HOOK3: variants seen among roughly 807,000 people sequenced by gnomAD.
The protein encoded by HOOK3 is hook microtubule tethering protein 3.
In HOOK3, 24 loss-of-function variants were observed where a neutral mutation model predicts 116.3. That is an observed-to-expected ratio of 0.21 (90% CI 0.15 to 0.29). The LOEUF (loss-of-function observed/expected upper bound fraction) is 0.29. HOOK3 is among the 10% of genes least tolerant of loss of function. The probability of loss-of-function intolerance (pLI) is 1.00; values close to 1 mark genes in which losing one functional copy is unlikely to be tolerated. For missense variants in HOOK3, 632 were observed against 830.2 expected (o/e 0.76, Z 2.93); for synonymous variants, 275 against 283.0 (o/e 0.97, Z 0.28).
intron 19 of HOOK3, among the ~76,000 whole-genome samples, chr8:43,010,773 G>A (rs186082190): frequency 3.9e-5 from 6 of 152,202 alleles, no homozygotes; most frequent in Admixed American, 1.3e-4. Flanking sequence ...TCTATTTCCA[G>A]TTCACAGGCA....
Position 42,967,696 on chromosome 8 carries a change from A to AC in HOOK3, c.921-313dup, listed in dbSNP as rs1207493874. Among the ~76,000 whole-genome samples, 14 of 151,722 alleles carry AC rather than the reference A, an allele frequency of 9.2e-5. No homozygotes were observed. The East Asian group carries it at 2.5e-3, about 27-fold the overall frequency. On this transcript the variant is annotated intron_variant, in intron 10 of 21. Transcript: ENST00000307602. The stretch of plus-strand genomic sequence containing the variant: ...CTCAACCCCACTATCTGCCCACACT[A>AC]CCCCACTGAAGCTGCTATTCTGGTG...
At chr8:42,963,369 G>A (rs1808571271) in intron 8 of HOOK3, among the ~76,000 whole-genome samples, 1 of 152,210 alleles carries the variant, frequency 6.6e-6, no homozygotes, top group Admixed American at 6.5e-5. Flanking sequence ...GCATTTCTGA[G>A]TTTGGATTTT....
chr8:42,957,144 C>T lies in HOOK3; in HGVS notation c.519C>T (p.Asp173=), dbSNP rs1189559576. The change falls in exon 7 of 22, where the codon GAC becomes GAT. Residue 173 remains aspartate (D), a synonymous_variant. Coordinates refer to ENST00000307602, the MANE Select transcript of HOOK3 (RefSeq NM_032410.4). The part of the protein sequence containing the change: ...PVSAGNDAYV[D]LDRQLKKTTE... ...CTGCTGGAAATGATGCCTATGTTGA[C>T]CTTGATCGTCAGGTATATAATTTTA... 1 of 1,581,794 alleles carries T rather than the reference C, an allele frequency of 6.3e-7. No homozygotes were observed.
chr8:42,907,771 C>T (rs1807339444), intron 2 of HOOK3, among the ~76,000 whole-genome samples: 1 of 136,054 alleles, frequency 7.4e-6, no homozygotes, highest in Admixed American at 8.3e-5. Flanking sequence ...ACAAGGATGT[C>T]GACTCTGCCA....
chr8:42,965,093 A>G (rs1176603538), intron 9 of HOOK3, among the ~76,000 whole-genome samples: 2 of 152,258 alleles, frequency 1.3e-5, no homozygotes, highest in Non-Finnish European at 2.9e-5. Flanking sequence ...AGACCGAGGA[A>G]GAACATTTGT....
At chr8:42,903,338 C>CTTTTTTTTTTTTTTTTTTTTTTTTTTTT (rs1164136399) in intron 1 of HOOK3, among the ~76,000 whole-genome samples, 6 of 87,608 alleles carry the variant, frequency 6.8e-5, no homozygotes, top group African/African-American at 2.8e-4. Flanking sequence ...TAATAGTTGT[C>CTTTTTTTTTTTTTTTTTTTTTTTTTTTT]TTTTTTTTTT....
At chr8:42,969,721 A>T (rs1049632716) in intron 11 of HOOK3, among the ~76,000 whole-genome samples, 1 of 152,224 alleles carries the variant, frequency 6.6e-6, no homozygotes, top group Non-Finnish European at 1.5e-5. Context: ...CCTTTTAATT[A>T]TACTTCATGT....
At chr8:42,997,177 G>T (rs1809295238) in intron 15 of HOOK3, among the ~76,000 whole-genome samples, 1 of 152,152 alleles carries the variant, frequency 6.6e-6, no homozygotes, top group Non-Finnish European at 1.5e-5. Flanking sequence ...CAAAGTGCTG[G>T]CATGGGCCAC....
At chr8:42,908,472 G>T (rs1228917363) in intron 2 of HOOK3, among the ~76,000 whole-genome samples, 1 of 152,194 alleles carries the variant, frequency 6.6e-6, no homozygotes, top group Non-Finnish European at 1.5e-5. Flanking sequence ...ACAATGACCA[G>T]TGGAACAGTA....
chr8:43,011,449 A>ATGTGTGTGTG (rs147559520), intron 19 of HOOK3, among the ~76,000 whole-genome samples: 1 of 150,248 alleles, frequency 6.7e-6, no homozygotes, highest in African/African-American at 2.4e-5. Context: ...AAGTAACAGC[A>ATGTGTGTGTG]TGTGTGTGTG....
At chr8:42,943,810 T>C (rs1192509241) in intron 5 of HOOK3, among the ~76,000 whole-genome samples, 1 of 152,220 alleles carries the variant, frequency 6.6e-6, no homozygotes, top group Admixed American at 6.5e-5. Context: ...TCCCAACATA[T>C]ATCTGTAACA....
At chr8:42,950,331 A>G in intron 5 of HOOK3, 57 bp from the exon 6 acceptor site, 1 of 1,139,292 alleles carries the variant, frequency 8.8e-7, no homozygotes, top group Non-Finnish European at 1.3e-6. Flanking sequence ...ATGAGCCTTG[A>G]TTCCCTTGAC....
intron 5 of HOOK3, among the ~76,000 whole-genome samples, chr8:42,948,864 A>G (rs926319279): frequency 5.9e-5 from 9 of 152,236 alleles, no homozygotes; most frequent in Admixed American, 1.3e-4. Context: ...CCTAAGAACA[A>G]TGCCTATGAT....
At chr8:42,971,970 G>T (rs532398565) in intron 11 of HOOK3, among the ~76,000 whole-genome samples, 3 of 151,824 alleles carry the variant, frequency 2.0e-5, no homozygotes, top group South Asian at 2.1e-4. Context: ...GGTGTGAGCC[G>T]CCGTGCCTGG....
intron 2 of HOOK3, among the ~76,000 whole-genome samples, chr8:42,924,906 G>A (rs926897720): frequency 6.6e-6 from 1 of 151,290 alleles, no homozygotes; most frequent in East Asian, 2.0e-4. Context: ...CTGGGAGGTA[G>A]AGGTTGCAGT....
intron 16 of HOOK3, among the ~76,000 whole-genome samples, chr8:43,000,099 G>A (rs1374188088): frequency 1.3e-5 from 2 of 152,230 alleles, no homozygotes; most frequent in Non-Finnish European, 2.9e-5. Context: ...AGTGAGCAGA[G>A]ATTGCGCCAC....
chr8:43,001,041 G>A (rs990168173), intron 16 of HOOK3: 1 of 152,062 alleles, frequency 6.6e-6, no homozygotes, highest in African/African-American at 2.4e-5. Flanking sequence ...GAGGTGGGAG[G>A]AGGATCACTG....
At chr8:42,908,619 T>G (rs1807360634) in intron 2 of HOOK3, among the ~76,000 whole-genome samples, 2 of 152,216 alleles carry the variant, frequency 1.3e-5, no homozygotes, top group South Asian at 4.1e-4. Context: ...TGCAGAAGAA[T>G]AAAGTTAGAC....
intron 5 of HOOK3, among the ~76,000 whole-genome samples, chr8:42,949,866 G>A (rs1360122031): frequency 7.3e-5 from 11 of 151,422 alleles, no homozygotes; most frequent in South Asian, 2.1e-4. Flanking sequence ...GCAGTGAGCC[G>A]AGATGGCGCC....
Sources: gnomAD v4.1 joint callset for allele counts (sites outside exome capture counted in the v4.1 genomes callset) on GRCh38, gnomAD v4.1.1 for gene constraint, MANE v1.5 for transcripts, NCBI Gene and HGNC (gene_info 2026-07-23, HGNC 2026-07-21) for gene names.